DOK6: variants seen among roughly 807,000 people sequenced by gnomAD.
DOK6 encodes downstream of tyrosine kinase 6.
In DOK6, 22 loss-of-function variants were observed where a neutral mutation model predicts 44.0. That is an observed-to-expected ratio of 0.50 (90% CI 0.36 to 0.71). The LOEUF (loss-of-function observed/expected upper bound fraction) is 0.71, where lower values mean the gene tolerates loss of function less well. DOK6 is among the 30% of genes least tolerant of loss of function. The pLI is 0.00. For synonymous variants in DOK6, 166 were observed against 145.5 expected (o/e 1.14, Z -1.01); for missense variants, 340 against 416.4 (o/e 0.82, Z 1.60).
chr18:69,695,342 T>C (rs997290906), intron 4 of DOK6, among the ~76,000 whole-genome samples: 2 of 152,194 alleles, frequency 1.3e-5, no homozygotes, highest in East Asian at 3.8e-4. Flanking sequence ...CACTGAAGTC[T>C]GAAAAACCAG....
intron 4 of DOK6, among the ~76,000 whole-genome samples, chr18:69,696,665 A>G (rs1488842672): frequency 6.6e-6 from 1 of 152,182 alleles, no homozygotes; most frequent in African/African-American, 2.4e-5. Flanking sequence ...GAGAAGATTG[A>G]TGTTCGGGCC....
intron 7 of DOK6, among the ~76,000 whole-genome samples, chr18:69,814,914 A>C (rs10513976): frequency 0.12 from 18,129 of 152,102 alleles, 1,141 homozygotes; most frequent in East Asian, 0.17. Context: ...CGACTAGCAG[A>C]GTTTGAGTGT....
intron 7 of DOK6, among the ~76,000 whole-genome samples, chr18:69,778,821 T>C (rs918080752): frequency 1.4e-4 from 22 of 152,178 alleles, no homozygotes; most frequent in African/African-American, 5.1e-4. Flanking sequence ...GGATTGTGAC[T>C]GCTAACTTCT....
intron 3 of DOK6, among the ~76,000 whole-genome samples, chr18:69,628,062 CT>C (rs1465063598): frequency 2.0e-5 from 3 of 151,996 alleles, no homozygotes; most frequent in African/African-American, 7.3e-5. Context: ...CAATTTTTAC[CT>C]TTTACTTCTT....
chr18:69,410,921 T>C (rs1265603801), intron 1 of DOK6, among the ~76,000 whole-genome samples: 2 of 152,166 alleles, frequency 1.3e-5, no homozygotes, highest in Non-Finnish European at 2.9e-5. Context: ...GGCTCATGGC[T>C]GTGAAAGACA....
At chr18:69,768,954 C>CGTGTGTGTGTGTGTGT (rs61202412) in intron 7 of DOK6, among the ~76,000 whole-genome samples, 25,665 of 142,402 alleles carry the variant, frequency 0.18, 2,836 homozygotes, top group East Asian at 0.27. Context: ...GAAGGGTGTG[C>CGTGTGTGTGTGTGTGT]GTGTGTGTGT....
At position 69,757,780 on chromosome 18, in the gene DOK6, A is replaced by G. The variant is rs763290683; in HGVS notation, c.763A>G (p.Met255Val). 3.7e-6 allele frequency: 6 copies of G among 1,614,154 alleles called. No homozygotes were observed. The Admixed American group carries it at 8.3e-5, about 22-fold the overall frequency. ...ARLQTSLTEPMTLSKSISLPR... is the reference protein window; with the variant it reads ...ARLQTSLTEPVTLSKSISLPR... ...GCTTCAGACAAGCTTGACTGAACCAATGACATTATCCAAATCAATATCTCT... is the reference window on the plus strand; with the variant it reads ...GCTTCAGACAAGCTTGACTGAACCAGTGACATTATCCAAATCAATATCTCT... The change falls in exon 7 of 8, where the codon ATG (methionine) becomes GTG (valine). Residue 255 changes from methionine (M) to valine (V), a missense_variant. By Grantham distance (21) the Met-to-Val change is conservative (BLOSUM62 1). Around this residue, in one of 3 missense-constraint regions of DOK6, gnomAD observed 112 missense variants for 109.3 expected, o/e 1.02. Coordinates refer to ENST00000382713, the MANE Select transcript of DOK6 (RefSeq NM_152721.6).
chr18:69,445,237 A>C (rs998598659), intron 1 of DOK6, among the ~76,000 whole-genome samples: 1 of 152,172 alleles, frequency 6.6e-6, no homozygotes, highest in Non-Finnish European at 1.5e-5. Context: ...TTCAAAGATT[A>C]CCTATGTATA....
chr18:69,524,256 A>G (rs1961548941), intron 1 of DOK6, among the ~76,000 whole-genome samples: 1 of 152,062 alleles, frequency 6.6e-6, no homozygotes, highest in Admixed American at 6.6e-5. Flanking sequence ...TTGAAAATGT[A>G]AAAACTGAAC....
chr18:69,648,134 A>G (rs768425745), intron 3 of DOK6, among the ~76,000 whole-genome samples: 1 of 152,140 alleles, frequency 6.6e-6, no homozygotes, highest in Non-Finnish European at 1.5e-5. Flanking sequence ...TTTTTACGTT[A>G]CACATCCAGA....
At chr18:69,741,812 C>T (rs10871654) in intron 6 of DOK6, among the ~76,000 whole-genome samples, 84,715 of 152,016 alleles carry the variant, frequency 0.56, 25,274 homozygotes, top group East Asian at 0.69. Context: ...AACTCTTATA[C>T]AAAAATTTCC....
chr18:69,567,081 A>G (rs1328524134), intron 2 of DOK6, among the ~76,000 whole-genome samples: 1 of 152,180 alleles, frequency 6.6e-6, no homozygotes, highest in Non-Finnish European at 1.5e-5. Flanking sequence ...ATTTCAAGGC[A>G]AACTTCATTC....
intron 7 of DOK6, among the ~76,000 whole-genome samples, chr18:69,820,699 A>T (rs1377128498): frequency 6.6e-6 from 1 of 152,194 alleles, no homozygotes; most frequent in Non-Finnish European, 1.5e-5. Flanking sequence ...TACACCATGG[A>T]ATACTATGCA....
chr18:69,519,420 G>C (rs1403068564), intron 1 of DOK6, among the ~76,000 whole-genome samples: 2 of 151,828 alleles, frequency 1.3e-5, no homozygotes, highest in Non-Finnish European at 2.9e-5. Flanking sequence ...GTTCATCACT[G>C]CTTTATTTTT....
chr18:69,497,343 C>T (rs1052703428), intron 1 of DOK6, among the ~76,000 whole-genome samples: 2 of 152,168 alleles, frequency 1.3e-5, no homozygotes, highest in Admixed American at 1.3e-4. Context: ...AACCAAATGT[C>T]GTCTGATGAC....
Position 69,405,592 on chromosome 18 carries a change from T to TAAATAAAATA in DOK6, c.66+4310_66+4319dup, listed in dbSNP as rs149922407. On this transcript the variant is annotated intron_variant, in intron 1 of 7. Coordinates refer to ENST00000382713, the MANE Select transcript of DOK6 (RefSeq NM_152721.6). ...GAAACTCTGTCTCAAAATAACTAAC[T>TAAATAAAATA]AAATAAAATAAAATAAAATAAAATA... 1.9e-3 allele frequency among the ~76,000 whole-genome samples: 286 copies of TAAATAAAATA among 149,766 alleles called. 1 individual carries two copies. Among genetic ancestry groups the TAAATAAAATA allele is most frequent in the Middle Eastern group, 6.8e-3 (2 of 294 alleles).
At chr18:69,789,271 G>A (rs893230126) in intron 7 of DOK6, among the ~76,000 whole-genome samples, 2 of 151,988 alleles carry the variant, frequency 1.3e-5, no homozygotes, top group Admixed American at 6.6e-5. Flanking sequence ...TGGTATATAC[G>A]CATATAAAAT....
At chr18:69,790,054 A>G (rs1248576437) in intron 7 of DOK6, among the ~76,000 whole-genome samples, 2 of 152,176 alleles carry the variant, frequency 1.3e-5, no homozygotes, top group African/African-American at 4.8e-5. Flanking sequence ...AGAGTTGAAC[A>G]AGAGGTACAG....
chr18:69,574,818 G>T (rs1033735069), intron 2 of DOK6, among the ~76,000 whole-genome samples: 2 of 152,006 alleles, frequency 1.3e-5, no homozygotes, highest in African/African-American at 4.8e-5. Flanking sequence ...CATTTTTGTG[G>T]TGTCATAGCC....
Sources: gnomAD v4.1 joint callset for allele counts (sites outside exome capture counted in the v4.1 genomes callset) on GRCh38, gnomAD v4.1.1 for gene constraint, gnomAD v4.1.1 regional missense constraint, MANE v1.5 for transcripts, NCBI Gene and HGNC (gene_info 2026-07-23, HGNC 2026-07-21) for gene names.